RGS6: variants seen among roughly 807,000 people sequenced by gnomAD.
RGS6 encodes regulator of G protein signaling 6.
In RGS6, 30 loss-of-function variants were observed where a neutral mutation model predicts 78.5. The observed-to-expected ratio is 0.38, with a 90% CI of 0.29 to 0.52. The LOEUF (loss-of-function observed/expected upper bound fraction) is 0.52. RGS6 is among the 20% of genes least tolerant of loss of function. The pLI is 0.85. For missense variants in RGS6, 495 were observed against 609.7 expected, an observed-to-expected ratio of 0.81 and a Z score of 1.98; for synonymous variants, 206 against 206.0, an observed-to-expected ratio of 1.00 and a Z score of 0.00.
At chr14:72,440,416 T>G (rs1032187830) in intron 3 of RGS6, among the ~76,000 whole-genome samples, 3 of 108,490 alleles carry the variant, frequency 2.8e-5, no homozygotes, top group Non-Finnish European at 6.2e-5. Context: ...CTACACTTCT[T>G]TTTTTTTTTT....
intron 3 of RGS6, among the ~76,000 whole-genome samples, chr14:72,411,778 C>A (rs913364575): frequency 6.6e-6 from 1 of 151,988 alleles, no homozygotes; most frequent in Admixed American, 6.6e-5. Flanking sequence ...TAGCATGAAG[C>A]GTTGTTGAAT....
chr14:72,406,247 A>G (rs982184497), intron 3 of RGS6, among the ~76,000 whole-genome samples: 8 of 152,218 alleles, frequency 5.3e-5, no homozygotes, highest in Non-Finnish European at 8.8e-5. Context: ...AGCCGGGCGC[A>G]GTGGCACACG....
intron 12 of RGS6, among the ~76,000 whole-genome samples, chr14:72,490,512 C>T (rs917756966): frequency 6.6e-6 from 1 of 152,126 alleles, no homozygotes; most frequent in Non-Finnish European, 1.5e-5. Flanking sequence ...TCTAGTGTGC[C>T]CGTGGTTTCG....
At chr14:72,028,678 G>A (rs1424287093) in intron 2 of RGS6, among the ~76,000 whole-genome samples, 2 of 152,178 alleles carry the variant, frequency 1.3e-5, no homozygotes, top group African/African-American at 2.4e-5. Context: ...TCTGTGCTCC[G>A]CTAGTGAGTA....
At chr14:72,510,933 T>C (rs952607141) in intron 14 of RGS6, among the ~76,000 whole-genome samples, 11 of 152,192 alleles carry the variant, frequency 7.2e-5, no homozygotes, top group African/African-American at 2.7e-4. Context: ...TAATAATTAC[T>C]ATTTAATAGG....
In RGS6 at chr14:72,294,950, A is replaced by C. The variant is rs114502737; in HGVS notation, c.85-57145A>C. ...TCCATCTTAGAATGGTAGAATAATA[A>C]AATTAGGAGGAAACTTGGTATGCTT... On this transcript the variant is annotated intron_variant, in intron 2 of 17. Coordinates refer to ENST00000553525, the MANE Select transcript of RGS6 (RefSeq NM_001204424.2). Among the ~76,000 whole-genome samples, 599 of 152,228 alleles carry C rather than the reference A, an allele frequency of 3.9e-3. 5 individuals are homozygous for C. The highest frequency in any genetic ancestry group is 0.014 in the African/African-American group (584 of 41,548).
chr14:72,422,366 A>G (rs9783654), intron 3 of RGS6, among the ~76,000 whole-genome samples: 9,682 of 152,258 alleles, frequency 0.064, 747 homozygotes, highest in African/African-American at 0.18. Flanking sequence ...ATCAACATAT[A>G]TAATAATATA....
intron 2 of RGS6, among the ~76,000 whole-genome samples, chr14:72,153,412 C>T (rs1302702492): frequency 6.6e-6 from 1 of 152,192 alleles, no homozygotes; most frequent in Non-Finnish European, 1.5e-5. Flanking sequence ...CTGCTTTTCA[C>T]TGGGGACCAG....
intron 3 of RGS6, among the ~76,000 whole-genome samples, chr14:72,364,818 T>C (rs954477364): frequency 6.6e-6 from 1 of 152,192 alleles, no homozygotes; most frequent in Non-Finnish European, 1.5e-5. Flanking sequence ...GGTGAAAGCT[T>C]CTTTCCAAAG....
intron 17 of RGS6, among the ~76,000 whole-genome samples, chr14:72,552,153 G>A (rs1054895573): frequency 1.3e-5 from 2 of 152,236 alleles, no homozygotes; most frequent in Non-Finnish European, 2.9e-5. Context: ...ATGACAGTCT[G>A]CACAAGGTGC....
Position 72,459,636 on chromosome 14 carries a change from C to G in RGS6, c.347C>G (p.Pro116Arg). The stretch of plus-strand genomic sequence containing the variant: ...AACACCCATGCTCCTTTGCAGGCTC[C>G]GTACTTCTGGCCTTCGAACTGCTGG... Reference protein sequence around the residue: ...DDGTFYRFQAPYFWPSNCWEP... With the variant: ...DDGTFYRFQARYFWPSNCWEP... The change falls in exon 6 of 18, where the codon CCG (proline) becomes CGG (arginine). Residue 116 changes from proline to arginine, a missense_variant. By Grantham distance (103) the Pro-to-Arg change is moderately radical. Coordinates refer to ENST00000553525, the MANE Select transcript of RGS6 (RefSeq NM_001204424.2). 1 of 1,614,046 alleles carries G rather than the reference C, an allele frequency of 6.2e-7. No individual in the cohort carries two copies. The highest frequency in any genetic ancestry group is 8.5e-7 in the Non-Finnish European group (1 of 1,180,016).
At chr14:72,574,112 A>G in the RGS6 span, among the ~76,000 whole-genome samples, 1 of 152,202 alleles carries the variant, frequency 6.6e-6, no homozygotes, top group Non-Finnish European at 1.5e-5. Flanking sequence ...AACATCCACA[A>G]TGCCCCTCCC....
chr14:71,869,231 A>C, the RGS6 span, among the ~76,000 whole-genome samples: 3 of 152,222 alleles, frequency 2.0e-5, no homozygotes, highest in South Asian at 2.1e-4. Context: ...TTCGCCTTTA[A>C]AATTGGCTTA....
intron 2 of RGS6, among the ~76,000 whole-genome samples, chr14:72,195,876 G>C (rs2039988206): frequency 6.6e-6 from 1 of 152,252 alleles, no homozygotes; most frequent in Non-Finnish European, 1.5e-5. Context: ...AGGCAAGGCA[G>C]TGGGTACAGA....
intron 12 of RGS6, among the ~76,000 whole-genome samples, chr14:72,483,959 T>C (rs2096435095): frequency 6.9e-6 from 1 of 144,442 alleles, no homozygotes; most frequent in East Asian, 2.6e-4. Flanking sequence ...CTTCCCACCT[T>C]CTCCAAGTGA....
chr14:72,094,009 G>C (rs112051778), intron 2 of RGS6, among the ~76,000 whole-genome samples: 1 of 151,930 alleles, frequency 6.6e-6, no homozygotes, highest in African/African-American at 2.4e-5. Flanking sequence ...CTATACAGCT[G>C]TATCATAAAA....
intron 3 of RGS6, among the ~76,000 whole-genome samples, chr14:72,353,582 T>C (rs1459542328): frequency 6.6e-6 from 1 of 152,216 alleles, no homozygotes; most frequent in Non-Finnish European, 1.5e-5. Flanking sequence ...CGAGTGTGAC[T>C]GCAAAAGACA....
At chr14:72,057,778 A>T (rs867947067) in intron 2 of RGS6, among the ~76,000 whole-genome samples, 6 of 152,222 alleles carry the variant, frequency 3.9e-5, no homozygotes, top group African/African-American at 1.4e-4. Context: ...CAGCAGCTCA[A>T]GAGACAGACC....
chr14:72,306,863 T>C (rs573164391), intron 2 of RGS6, among the ~76,000 whole-genome samples: 1 of 152,350 alleles, frequency 6.6e-6, no homozygotes, highest in African/African-American at 2.4e-5. Flanking sequence ...GAATATTACA[T>C]AAAGTTAGTT....
Sources: allele counts gnomAD v4.1 joint callset (sites outside exome capture counted in the v4.1 genomes callset), GRCh38; gene constraint gnomAD v4.1.1; transcripts MANE v1.5; gene names NCBI Gene and HGNC (gene_info 2026-07-23, HGNC 2026-07-21).